Variants in MMEL1 observed in about 807,000 individuals in gnomAD.
MMEL1 encodes the protein membrane metalloendopeptidase like 1, also known as membrane metallo-endopeptidase-like 1.
MMEL1 carries 98 observed loss-of-function variants against 117.1 expected under a neutral mutation model. The observed-to-expected ratio is 0.84, with a 90% confidence interval of 0.71 to 0.99. The LOEUF (loss-of-function observed/expected upper bound fraction) is 0.99, where lower values mean the gene tolerates loss of function less well. Ranked by LOEUF, MMEL1 falls within the 50% of genes least tolerant of loss-of-function variation. MMEL1 has a pLI of 0.00. For synonymous variants in MMEL1, 390 were observed against 415.1 expected (o/e 0.94, Z 0.74); for missense variants, 1,014 against 1,049.1 (o/e 0.97, Z 0.46).
chr1:2,610,618 T>C (rs1269705283), intron 4 of MMEL1, among the ~76,000 whole-genome samples: 1 of 152,200 alleles, frequency 6.6e-6, no homozygotes, highest in Non-Finnish European at 1.5e-5. Context: ...TGGGGGTTTG[T>C]ATTCTGCTAG....
At chr1:2,602,335 G>T (rs1644946340) in intron 11 of MMEL1, among the ~76,000 whole-genome samples, 1 of 152,152 alleles carries the variant, frequency 6.6e-6, no homozygotes, top group African/African-American at 2.4e-5. Flanking sequence ...CATCATAAAT[G>T]CATTGTAAAC....
rs546289507 is a variant in MMEL1, at chr1:2,608,769, GCA to G, written c.535+568_535+569del. 2.3e-3 allele frequency among the ~76,000 whole-genome samples: 353 copies of G among 151,984 alleles called. 2 individuals carry two copies. Among genetic ancestry groups the G allele is most frequent in the Non-Finnish European group, 3.7e-3 (251 of 67,982 alleles). On this transcript the variant is annotated intron_variant, in intron 6 of 23. Transcript: ENST00000378412. ...CACGTAACACACATGTGCACACAAT[GCA>G]CACACATATGTACACACCGCATGCA...
rs369190788 is a variant in MMEL1, at chr1:2,591,552, C to T, written c.2240+5G>A. 1.9e-6 allele frequency: 3 copies of T among 1,613,332 alleles called. No individual in the cohort carries two copies. Among genetic ancestry groups the T allele is most frequent in the African/African-American group, 2.7e-5 (2 of 74,794 alleles). On this transcript the variant is annotated splice_donor_5th_base_variant and intron_variant, in intron 23 of 23. Transcript: ENST00000378412. ...GCAAGGGGGTTGTGAGCATGGGAGA[C>T]TTGCCTGTACTTCAGGGGACTGTGG...
At position 2,629,400 on chromosome 1, in the gene MMEL1, G is replaced by GC. The variant is rs1168749408; in HGVS notation, c.84dup (p.Leu29AlafsTer32). 30 of 1,545,646 alleles carry GC rather than the reference G, an allele frequency of 1.9e-5. No individual in the cohort carries two copies. The highest frequency in any genetic ancestry group is 1.2e-4 in the Admixed American group (6 of 50,934). ...GTCACCAGCAGCAGCAGCAGCAGCA[G>GC]CCCCCCCTCCAGGAACCCCGGGCGC... On this transcript the variant is annotated frameshift_variant, in exon 2 of 24. Transcript: ENST00000378412. LOFTEE classifies it high-confidence loss of function.
chr1:2,594,311 G>A (rs1163790651), intron 18 of MMEL1, 74 bp downstream of exon 18: 2 of 1,431,794 alleles, frequency 1.4e-6, no homozygotes, highest in Non-Finnish European at 1.9e-6. Flanking sequence ...GAAGGGATGG[G>A]CAGGGGGCTG....
At position 2,604,263 on chromosome 1, in the gene MMEL1, G is replaced by A; in HGVS notation, c.835C>T (p.Gln279Ter). The A allele has an allele frequency of 1.2e-6, 2 of 1,612,856 alleles. No homozygotes were observed. Among genetic ancestry groups the A allele is most frequent in the Non-Finnish European group, 1.7e-6 (2 of 1,179,980 alleles). ...AACGTGGCCACTGACACCATGAACT[G>A]CAGGTAGGCTTCCCGCACCTGGGCC... Reference protein sequence around the residue: ...SNRKVREAYLQFMVSVATLLR... With the variant: ...SNRKVREAYL Residue 279 changes from glutamine to a stop codon, truncating the protein, a stop_gained, in exon 10 of 24, where the codon CAG (glutamine) becomes TAG (stop). Coordinates refer to ENST00000378412, the MANE Select transcript of MMEL1 (RefSeq NM_033467.4). LOFTEE classifies it high-confidence loss of function.
intron 19 of MMEL1, among the ~76,000 whole-genome samples, 192 bp from the exon 20 acceptor site, chr1:2,593,158 A>G (rs1644770978): frequency 6.6e-6 from 1 of 152,164 alleles, no homozygotes; most frequent in Non-Finnish European, 1.5e-5. Flanking sequence ...GGGGCTACAC[A>G]GCCCCCAGAG....
Position 2,601,872 on chromosome 1 carries a change from C to T in MMEL1, c.1041+2012G>A, listed in dbSNP as rs115138554. Among the ~76,000 whole-genome samples the T allele has an allele frequency of 4.1e-3, 629 of 152,330 alleles. 6 individuals carry two copies. Among genetic ancestry groups the T allele is most frequent in the African/African-American group, 0.014 (582 of 41,578 alleles). On this transcript the variant is annotated intron_variant, in intron 11 of 23. Coordinates refer to ENST00000378412, the MANE Select transcript of MMEL1 (RefSeq NM_033467.4). ...AAACCCCACTACACAGGTGCAGAAA[C>T]GGCTGAGAACGGACACCACCCAGCA...
intron 9 of MMEL1, among the ~76,000 whole-genome samples, chr1:2,604,733 G>T (rs1025363957): frequency 6.6e-6 from 1 of 152,140 alleles, no homozygotes; most frequent in African/African-American, 2.4e-5. Context: ...TCCTGAGGAA[G>T]TTTGCTCCTC....
intron 4 of MMEL1, 124 bp from the exon 5 acceptor site, chr1:2,609,955 G>T: frequency 9.3e-7 from 1 of 1,078,974 alleles, no homozygotes; most frequent in Non-Finnish European, 1.3e-6. Context: ...TGTCCATCCA[G>T]TCGCAGCTGT....
rs1202354458 is a variant in MMEL1, at chr1:2,606,263, G to C, written c.735C>G (p.Ser245Arg). ...CGGCTCGTACGTAGATGATGTGCCG[G>C]CTGGAGTTCTGGTCGTCGTTCCAGA... is the stretch of plus-strand genomic sequence containing the variant. ...LFIWNDDQNS[S>R]RHIIYIDQPT... Residue 245 changes from serine (S) to arginine (R), a missense_variant, in exon 8 of 24, where the codon AGC becomes AGG. Ser to Arg is a moderately radical substitution (Grantham distance 110). Transcript: ENST00000378412. 1.9e-6 allele frequency: 3 copies of C among 1,613,138 alleles called. No homozygotes were observed. The highest frequency in any genetic ancestry group is 2.7e-5 in the African/African-American group (2 of 74,946).
intron 23 of MMEL1, 108 bp from the exon 24 acceptor site, chr1:2,591,197 C>T: frequency 1.4e-6 from 1 of 711,232 alleles, no homozygotes. Flanking sequence ...CCTAATGGCT[C>T]ATGTCAGTAT....
rs777436945 is a variant in MMEL1, at chr1:2,594,393, T to C, written c.1739A>G (p.Asn580Ser). ...VVNAFYSPNR[N>S]QIVFPAGILQ... ...GAGGGGGAGGAACTTACCAATCTGG[T>C]TTCGGTTTGGGGAGTAGAACGCATT... The change falls in exon 18 of 24, where the codon AAC (asparagine) becomes AGC (serine). Residue 580 changes from asparagine to serine, a missense_variant. Transcript: ENST00000378412. 98 of 1,551,570 alleles carry C rather than the reference T, an allele frequency of 6.3e-5. No individual in the cohort carries two copies. Among genetic ancestry groups the C allele is most frequent in the Non-Finnish European group, 8.4e-5 (96 of 1,146,956 alleles).
intron 6 of MMEL1, among the ~76,000 whole-genome samples, chr1:2,608,739 A>C (rs1368742686): frequency 6.6e-6 from 1 of 152,138 alleles, no homozygotes; most frequent in African/African-American, 2.4e-5. Flanking sequence ...TACACATGTG[A>C]CATGCACGTA....
In MMEL1 at chr1:2,595,824, C is replaced by A. The variant is rs149255978; in HGVS notation, c.1500+185G>T. 1.5e-4 allele frequency among the ~76,000 whole-genome samples: 22 copies of A among 148,294 alleles called. No individual in the cohort carries two copies. Among genetic ancestry groups the A allele is most frequent in the African/African-American group, 5.6e-4 (22 of 39,066 alleles). ...GGCGAGTGGTCCTGTCTGCGCCTCC[C>A]GGGGCTGCCTTCTCCCCGTGGGGTC... On this transcript the variant is annotated intron_variant, in intron 15 of 23. Coordinates refer to ENST00000378412, the MANE Select transcript of MMEL1 (RefSeq NM_033467.4). The surrounding 1 kb of genome is among the most constrained non-coding windows in gnomAD (Gnocchi z 4.8).
At chr1:2,622,499 G>A (rs1292498192) in intron 2 of MMEL1, among the ~76,000 whole-genome samples, 1 of 152,168 alleles carries the variant, frequency 6.6e-6, no homozygotes, top group Non-Finnish European at 1.5e-5. Context: ...GATGCATAAT[G>A]GAATTCATGA....
In MMEL1 at chr1:2,596,224, A is replaced by G. The variant is rs367795239; in HGVS notation, c.1402-117T>C. On this transcript the variant is annotated intron_variant, in intron 14 of 23. Coordinates refer to ENST00000378412, the MANE Select transcript of MMEL1 (RefSeq NM_033467.4). ...GCCGGGGCAAGGCCCAGGGCTGCCC[A>G]GCTGTGGGCCTCTCAGGTGAGGTGT... The G allele has an allele frequency of 2.0e-5, 19 of 966,496 alleles. No homozygotes were observed. In the African/African-American group the frequency reaches 2.4e-4, roughly 12 times the overall value. The allele number at this position is 966,496 out of a possible 1,614,324, so 59.9% of individuals were successfully genotyped here.
intron 14 of MMEL1, 113 bp downstream of exon 14, chr1:2,596,448 T>G: frequency 7.0e-7 from 1 of 1,434,068 alleles, no homozygotes; most frequent in Non-Finnish European, 9.4e-7. Context: ...CTCTGTCTGG[T>G]GAGCTGGGGC....
At chr1:2,600,584 T>C (rs1176955355) in intron 11 of MMEL1, among the ~76,000 whole-genome samples, 2 of 151,780 alleles carry the variant, frequency 1.3e-5, no homozygotes, top group African/African-American at 2.4e-5. Flanking sequence ...ATTCCTGTGG[T>C]CGCAGCTACT....
Sources: allele counts gnomAD v4.1 joint callset (sites outside exome capture counted in the v4.1 genomes callset), GRCh38; gene constraint gnomAD v4.1.1; non-coding constraint Gnocchi (gnomAD v3.1); transcripts MANE v1.5; gene names NCBI Gene and HGNC (gene_info 2026-07-23, HGNC 2026-07-21).